The following HIBCH variants were observed in gnomAD, a reference collection of about 807,000 sequenced individuals.
HIBCH encodes 3-hydroxyisobutyryl-CoA hydrolase.
A neutral mutation model predicts 58.2 loss-of-function variants in HIBCH; 50 were observed. The ratio of observed to expected loss-of-function variants is 0.86; its 90% CI spans 0.68 to 1.09. The LOEUF (loss-of-function observed/expected upper bound fraction) is 1.09. HIBCH is among the 50% of genes least tolerant of loss of function. The pLI is 0.00. For synonymous variants in HIBCH, 151 were observed against 146.9 expected, an observed-to-expected ratio of 1.03 and a Z score of -0.20; for missense variants, 450 against 449.7, an observed-to-expected ratio of 1.00 and a Z score of -0.01.
chr2:190,309,375 A>G (rs778111287), intron 2 of HIBCH, among the ~76,000 whole-genome samples: 1 of 152,326 alleles, frequency 6.6e-6, no homozygotes, highest in Non-Finnish European at 1.5e-5. Flanking sequence ...ATACAGTGAT[A>G]TCAGATGACT....
chr2:190,273,123 T>C (rs1231409373), intron 6 of HIBCH, among the ~76,000 whole-genome samples: 2 of 152,224 alleles, frequency 1.3e-5, no homozygotes, highest in Non-Finnish European at 2.9e-5. Context: ...CCAGGCGCAG[T>C]GGCTCATGCC....
chr2:190,202,177 G>A (rs1381826459), downstream of HIBCH: 4 of 166,944 alleles, frequency 2.4e-5, no homozygotes, highest in African/African-American at 9.7e-5. Flanking sequence ...ATATCAACTA[G>A]AAGTCTGATT....
intron 6 of HIBCH, among the ~76,000 whole-genome samples, chr2:190,277,090 T>TA (rs1443879688): frequency 1.2e-4 from 18 of 152,154 alleles, no homozygotes; most frequent in Admixed American, 9.8e-4. Flanking sequence ...GCAAAAGAGA[T>TA]AAAAAAATTT....
At chr2:190,212,935 A>C (rs770060999) in intron 12 of HIBCH, 21 bp downstream of exon 12, 11 of 1,513,076 alleles carry the variant, frequency 7.3e-6, no homozygotes, top group Non-Finnish European at 1.0e-5. Context: ...AAAAAATGAC[A>C]TTTTTTTTTT....
intron 6 of HIBCH, among the ~76,000 whole-genome samples, chr2:190,272,839 G>A (rs531959993): frequency 6.6e-6 from 1 of 152,122 alleles, no homozygotes; most frequent in Admixed American, 6.5e-5. Context: ...ATATCCCTGG[G>A]CTAAAGGGTA....
intron 11 of HIBCH, among the ~76,000 whole-genome samples, chr2:190,241,005 GC>G (rs1686438080): frequency 6.6e-6 from 1 of 152,176 alleles, no homozygotes; most frequent in African/African-American, 2.4e-5. Flanking sequence ...TTGGTCCAGA[GC>G]TGAGTTCAAG....
At chr2:190,262,178 G>A (rs200600425) in intron 6 of HIBCH, among the ~76,000 whole-genome samples, 1,210 of 102,508 alleles carry the variant, frequency 0.012, 15 homozygotes, top group African/African-American at 0.041. Context: ...AAAAAAAAAA[G>A]AAAAGAAAAG....
chr2:190,299,433 A>G (rs2582747), intron 2 of HIBCH, among the ~76,000 whole-genome samples: 110,072 of 152,082 alleles, frequency 0.72, 40,323 homozygotes, highest in Non-Finnish European at 0.75. Context: ...TCTCTAACGA[A>G]AAATTCAAAT....
chr2:190,309,422 T>C lies in HIBCH; in HGVS notation c.78+1332A>G, dbSNP rs188426428. On this transcript the variant is annotated intron_variant, in intron 2 of 13. Transcript: ENST00000359678. ...TGTGCAATTTACTTGTCAGCCTCTA[T>C]AAGAGATATAAAAGTGAATAAAATT... Among the ~76,000 whole-genome samples the C allele has an allele frequency of 1.8e-3, 281 of 152,350 alleles. 2 individuals are homozygous for C. Among genetic ancestry groups the C allele is most frequent in the Non-Finnish European group, 2.8e-3 (191 of 68,026 alleles).
At chr2:190,257,903 G>GAAT (rs1322213093) in intron 7 of HIBCH, among the ~76,000 whole-genome samples, 1 of 152,100 alleles carries the variant, frequency 6.6e-6, no homozygotes, top group African/African-American at 2.4e-5. Context: ...GCTGAGTTGG[G>GAAT]AATTAAGTTT....
chr2:190,296,087 A>AG (rs1311289782), intron 3 of HIBCH, among the ~76,000 whole-genome samples: 1 of 152,122 alleles, frequency 6.6e-6, no homozygotes, highest in Non-Finnish European at 1.5e-5. Context: ...CTCACTTAGG[A>AG]AAGTTTACGG....
At chr2:190,317,909 C>T (rs1378409203) in intron 1 of HIBCH, among the ~76,000 whole-genome samples, 1 of 151,478 alleles carries the variant, frequency 6.6e-6, no homozygotes, top group East Asian at 1.9e-4. Context: ...CTGCAACCTC[C>T]CCCTCCCAGG....
downstream of HIBCH, chr2:190,201,296 TAA>T (rs1690234216): frequency 6.0e-6 from 1 of 166,894 alleles, no homozygotes; most frequent in Non-Finnish European, 1.5e-5. Context: ...TTTAAAGGAT[TAA>T]GTACTGTTTG....
At chr2:190,291,471 T>C (rs1279782538) in intron 4 of HIBCH, among the ~76,000 whole-genome samples, 2 of 152,100 alleles carry the variant, frequency 1.3e-5, no homozygotes, top group Non-Finnish European at 2.9e-5. Flanking sequence ...AAATTCTGAC[T>C]AGGGGAAGCA....
intron 11 of HIBCH, among the ~76,000 whole-genome samples, chr2:190,232,679 C>G (rs566110830): frequency 2.6e-5 from 4 of 152,148 alleles, no homozygotes; most frequent in African/African-American, 4.8e-5. Context: ...ATAATAGAGG[C>G]CGGGCATGGT....
At chr2:190,259,661 T>C (rs1687032411) in intron 7 of HIBCH, among the ~76,000 whole-genome samples, 4 of 152,214 alleles carry the variant, frequency 2.6e-5, no homozygotes, top group African/African-American at 9.6e-5. Context: ...TAGTTTGTTG[T>C]TAGTGTATAG....
chr2:190,200,022 C>A (rs772767105), downstream of HIBCH: 1 of 1,614,014 alleles, frequency 6.2e-7, no homozygotes, highest in Admixed American at 1.7e-5. Flanking sequence ...CTCCAGGGAC[C>A]AATACTGTGA....
chr2:190,294,483 G>T (rs541886011), intron 4 of HIBCH, 63 bp downstream of exon 4: 3 of 1,020,106 alleles, frequency 2.9e-6, no homozygotes, highest in African/African-American at 1.6e-5. Flanking sequence ...ACAAAAATTT[G>T]ACAATACTTG....
rs576459568 is a variant in HIBCH at position 190,292,232 on chromosome 2, C to T, written c.305-1747G>A. ...CCCAACCTCAGGTGATCTGCCGGCTCGGGCCTCCTAACTCTAGAATTCTGA... is the reference window on the plus strand; with the variant it reads ...CCCAACCTCAGGTGATCTGCCGGCTTGGGCCTCCTAACTCTAGAATTCTGA... On this transcript the variant is annotated intron_variant, in intron 4 of 13. Coordinates refer to ENST00000359678, the MANE Select transcript of HIBCH (RefSeq NM_014362.4). 6.6e-5 allele frequency among the ~76,000 whole-genome samples: 10 copies of T among 152,194 alleles called. No homozygotes were observed. In the East Asian group the frequency reaches 1.9e-3, roughly 29 times the overall value.
Sources: gnomAD v4.1 joint callset for allele counts (sites outside exome capture counted in the v4.1 genomes callset) on GRCh38, gnomAD v4.1.1 for gene constraint, MANE v1.5 for transcripts, NCBI Gene and HGNC (gene_info 2026-07-23, HGNC 2026-07-21) for gene names.